CHD5: variants seen among roughly 807,000 people sequenced by gnomAD.
The protein encoded by CHD5 is chromodomain helicase DNA binding protein 5, also known as ATP-dependent chromatin remodeler CHD5.
In CHD5, 69 loss-of-function variants were observed where a neutral mutation model predicts 230.3. That is an observed-to-expected ratio of 0.30 (90% CI 0.25 to 0.37). The LOEUF is 0.37. Ranked by LOEUF, CHD5 falls within the 10% of genes least tolerant of loss-of-function variation. CHD5 has a pLI of 1.00. For synonymous variants in CHD5, 1,064 were observed against 1,065.9 expected, an observed-to-expected ratio of 1.00 and a Z score of 0.03; for missense variants, 1,827 against 2,622.8, an observed-to-expected ratio of 0.70 and a Z score of 6.63.
chr1:6,109,672 G>A (rs576034755), intron 38 of CHD5, 123 bp downstream of exon 38: 96 of 806,160 alleles, frequency 1.2e-4, no homozygotes, highest in Non-Finnish European at 1.6e-4. Context: ...GAAGTCCACC[G>A]CCCTCTGGGC....
At chr1:6,162,585 G>T (rs1029430041) in intron 2 of CHD5, among the ~76,000 whole-genome samples, 5 of 152,094 alleles carry the variant, frequency 3.3e-5, no homozygotes, top group African/African-American at 4.8e-5. Context: ...GCTGCAGTCA[G>T]AATGACCCTT....
Position 6,106,247 on chromosome 1 carries a change from G to A in CHD5, c.*33C>T. 2 of 1,612,748 alleles carry A rather than the reference G, an allele frequency of 1.2e-6. No homozygotes were observed. Among genetic ancestry groups the A allele is most frequent in the Non-Finnish European group, 1.7e-6 (2 of 1,179,914 alleles). Reference sequence around the variant, plus strand: ...AGCAGCCCTCACCTCAGCTGGAAATGAGCGCTGCAACACAGGGAAGTCTCG... The same window carrying A: ...AGCAGCCCTCACCTCAGCTGGAAATAAGCGCTGCAACACAGGGAAGTCTCG... On this transcript the variant is annotated 3_prime_UTR_variant, in exon 41 of 42. Transcript: ENST00000262450.
chr1:6,178,784 C>A (rs1049413642), intron 1 of CHD5, among the ~76,000 whole-genome samples: 1 of 152,020 alleles, frequency 6.6e-6, no homozygotes, highest in African/African-American at 2.4e-5. Context: ...GGTGTGGCCA[C>A]CTGGTGGGAA....
At chr1:6,158,606 C>A (rs1557558527) in intron 3 of CHD5, among the ~76,000 whole-genome samples, 1 of 152,058 alleles carries the variant, frequency 6.6e-6, no homozygotes, top group East Asian at 1.9e-4. Flanking sequence ...CCAGCCTGGA[C>A]AACAGAGCAA....
chr1:6,169,068 C>T (rs372508646), intron 1 of CHD5, among the ~76,000 whole-genome samples: 1 of 151,584 alleles, frequency 6.6e-6, no homozygotes, highest in African/African-American at 2.4e-5. Flanking sequence ...CAGGGACACT[C>T]AAGCCCCAAA....
At chr1:6,175,964 G>A (rs1266612452) in intron 1 of CHD5, among the ~76,000 whole-genome samples, 1 of 151,954 alleles carries the variant, frequency 6.6e-6, no homozygotes, top group East Asian at 1.9e-4. Context: ...TTACTTGGTT[G>A]GTTTTGTAGG....
intron 33 of CHD5, among the ~76,000 whole-genome samples, chr1:6,120,649 A>T (rs1208149389): frequency 6.6e-6 from 1 of 152,188 alleles, no homozygotes; most frequent in East Asian, 1.9e-4. Flanking sequence ...TAAAAATACA[A>T]AAATTAGTTG....
Position 6,105,576 on chromosome 1 carries a change from C to G in CHD5, c.*47-149G>C, listed in dbSNP as rs913436835. On this transcript the variant is annotated intron_variant, in intron 41 of 41. Coordinates refer to ENST00000262450, the MANE Select transcript of CHD5 (RefSeq NM_015557.3). The surrounding 1 kb of genome is among the most constrained non-coding windows in gnomAD (Gnocchi z 4.8). ...CCATGACCTCCCAGCCACAGGCTGCCGGGCCAGGCCATGAGCTACACCCAG... is the reference window on the plus strand; with the variant it reads ...CCATGACCTCCCAGCCACAGGCTGCGGGGCCAGGCCATGAGCTACACCCAG... 1 of 337,612 alleles carries G rather than the reference C, an allele frequency of 3.0e-6. No homozygotes were observed. The highest frequency in any genetic ancestry group is 5.9e-6 in the Non-Finnish European group (1 of 170,078). The allele number at this position is 337,612 out of a possible 1,614,324, so 20.9% of individuals were successfully genotyped here.
In CHD5 at chr1:6,121,332, G is replaced by C; in HGVS notation, c.4780-95C>G. 3.3e-6 allele frequency: 5 copies of C among 1,534,594 alleles called. No homozygotes were observed. In the South Asian group the frequency reaches 6.0e-5, roughly 18 times the overall value. On this transcript the variant is annotated intron_variant, in intron 32 of 41. Transcript: ENST00000262450. The surrounding 1 kb of genome is among the most constrained non-coding windows in gnomAD (Gnocchi z 4.5). ...GCTGGGCTGGGAACCCAGTCTCCTG[G>C]CTCCCGTCGCTTGCTCCTAGCCTGC...
At chr1:6,164,901 A>C (rs1265743737) in intron 2 of CHD5, among the ~76,000 whole-genome samples, 1 of 152,112 alleles carries the variant, frequency 6.6e-6, no homozygotes, top group African/African-American at 2.4e-5. Context: ...ATGAGGGTAC[A>C]GGGGGAAGAG....
Position 6,149,556 on chromosome 1 carries a change from T to C in CHD5, c.995-144A>G, listed in dbSNP as rs1011042479. The C allele has an allele frequency of 1.5e-5, 10 of 665,940 alleles. No individual in the cohort carries two copies. In the Admixed American group the frequency reaches 3.2e-4, roughly 22 times the overall value. 41.3% of individuals were successfully genotyped at this position (665,940 alleles called of 1,614,324 possible). A position where few individuals can be genotyped will look rare whatever the true frequency, so the allele number is the denominator to read the frequency against. On this transcript the variant is annotated intron_variant, in intron 7 of 41. Transcript: ENST00000262450. ...GGTGGGTGGGTGAATAGACTGATGG[T>C]TGAGGTGGTAAAAGGGTGAGGAGAT...
chr1:6,127,520 T>A (rs1042521686), intron 25 of CHD5, among the ~76,000 whole-genome samples: 2 of 150,554 alleles, frequency 1.3e-5, no homozygotes, highest in African/African-American at 4.9e-5. Flanking sequence ...TGGGCCGTCC[T>A]GGAACGTTGG....
At position 6,136,853 on chromosome 1, in the gene CHD5, T is replaced by A. The variant is rs763673468; in HGVS notation, c.2449A>T (p.Ile817Phe). 2 of 1,608,852 alleles carry A rather than the reference T, an allele frequency of 1.2e-6. No homozygotes were observed. The highest frequency in any genetic ancestry group is 1.7e-6 in the Non-Finnish European group (2 of 1,176,602). Residue 817 changes from isoleucine (I) to phenylalanine (F), a missense_variant, in exon 16 of 42, where the codon ATC becomes TTC. Physicochemically the swap from Ile to Phe is conservative, Grantham distance 21. This residue lies in a region of CHD5 where 80 missense variants were observed against 96.4 expected (regional missense o/e 0.83). Transcript: ENST00000262450. ...GAGGTGAGCAGCACGTGGAATTTGATCTGCACTTCTTTCTGGAGAAAAGAG... is the reference window on the plus strand; with the variant it reads ...GAGGTGAGCAGCACGTGGAATTTGAACTGCACTTCTTTCTGGAGAAAAGAG... The part of the protein sequence containing the change: ...KVFRMKKEVQ[I>F]KFHVLLTSYE...
Position 6,128,064 on chromosome 1 carries a change from C to A in CHD5, c.3885G>T (p.Val1295=). The change falls in exon 25 of 42, where the codon GTG becomes GTT. Residue 1295 remains valine (V), a synonymous_variant. Transcript: ENST00000262450. This position sits in a 1 kb window ranked among gnomAD's most constrained non-coding sequence, Gnocchi z 7.8. ...ACCTTACCACGCCGTCCTCCTCGCG[C>A]ACCACGTACTGCGCCACCTTGAAGG... ...LSSFKVAQYV[V]REEDGVEEVE... 1 of 1,611,260 alleles carries A rather than the reference C, an allele frequency of 6.2e-7. No homozygotes were observed. The highest frequency in any genetic ancestry group is 1.1e-5 in the South Asian group (1 of 90,432).
At chr1:6,112,058 T>G in intron 35 of CHD5, 82 bp downstream of exon 35, 1 of 1,509,648 alleles carries the variant, frequency 6.6e-7, no homozygotes. Flanking sequence ...CACACTCTAG[T>G]ATAAAGTTAA....
intron 33 of CHD5, among the ~76,000 whole-genome samples, chr1:6,120,433 C>A (rs1334667031): frequency 1.3e-5 from 2 of 151,256 alleles, no homozygotes; most frequent in African/African-American, 2.4e-5. Context: ...CTGTGGGAGG[C>A]CGAGGTGGGT....
chr1:6,159,316 A>T lies in CHD5; in HGVS notation c.387+20T>A, dbSNP rs1667130311. On this transcript the variant is annotated intron_variant, in intron 3 of 41. Transcript: ENST00000262450. ...AAGGGGGATGTCGCTCTGTCCCCCC[A>T]GCCAGGCCTCCACAGTTACCTTTAA... 2 of 1,551,070 alleles carry T rather than the reference A, an allele frequency of 1.3e-6. No individual in the cohort carries two copies. The highest frequency in any genetic ancestry group is 4.9e-5 in the East Asian group (2 of 40,902).
intron 3 of CHD5, among the ~76,000 whole-genome samples, chr1:6,157,114 C>G (rs1667092422): frequency 6.6e-6 from 1 of 152,244 alleles, no homozygotes; most frequent in African/African-American, 2.4e-5. Context: ...CTTCTTCCTT[C>G]CCTGACACCC....
chr1:6,115,417 G>A (rs566931897), intron 33 of CHD5, among the ~76,000 whole-genome samples: 3 of 152,292 alleles, frequency 2.0e-5, no homozygotes, highest in East Asian at 1.9e-4. Flanking sequence ...AGCAGGTTCC[G>A]TTTTGCGGCA....
Sources: gnomAD v4.1 joint callset for allele counts (sites outside exome capture counted in the v4.1 genomes callset) on GRCh38, gnomAD v4.1.1 for gene constraint, gnomAD v4.1.1 regional missense constraint, Gnocchi (gnomAD v3.1) non-coding constraint, MANE v1.5 for transcripts, NCBI Gene and HGNC (gene_info 2026-07-23, HGNC 2026-07-21) for gene names.